The following TTBK1 variants were observed in gnomAD, a reference collection of about 807,000 sequenced individuals.
TTBK1 encodes the protein tau-tubulin kinase 1.
A neutral mutation model predicts 108.5 loss-of-function variants in TTBK1; 34 were observed. That is an observed-to-expected ratio of 0.31 (90% confidence interval 0.24 to 0.42). The LOEUF (loss-of-function observed/expected upper bound fraction) is 0.42. Among genes scored for constraint, TTBK1 ranks in the 10% least tolerant of loss-of-function variants. The pLI is 1.00. For synonymous variants in TTBK1, 809 were observed against 795.1 expected (o/e 1.02, Z -0.29); for missense variants, 1,539 against 1,826.0 (o/e 0.84, Z 2.86).
At chr6:43,245,009 A>C (rs1777050094) in intron 1 of TTBK1, among the ~76,000 whole-genome samples, 1 of 152,190 alleles carries the variant, frequency 6.6e-6, no homozygotes, top group Non-Finnish European at 1.5e-5. Flanking sequence ...AGCTCAGCTT[A>C]GTCACTTGAA....
At chr6:43,278,144 A>G (rs1415254177) in intron 13 of TTBK1, among the ~76,000 whole-genome samples, 1 of 152,068 alleles carries the variant, frequency 6.6e-6, no homozygotes, top group Non-Finnish European at 1.5e-5. Context: ...GGCTATGTGG[A>G]GCCCCGTCTC....
In TTBK1 at chr6:43,257,786, C is replaced by T. The variant is rs779733650; in HGVS notation, c.862-26C>T. On this transcript the variant is annotated intron_variant, in intron 9 of 14. Coordinates refer to ENST00000259750, the MANE Select transcript of TTBK1 (RefSeq NM_032538.3). The surrounding 1 kb of genome is among the most constrained non-coding windows in gnomAD (Gnocchi z 4.5). Reference sequence around the variant, plus strand: ...GCTAGCCCCCGGATCACCTCTCTGTCCTCCCATCACCCTCACCCCCTGCAG... The same window carrying T: ...GCTAGCCCCCGGATCACCTCTCTGTTCTCCCATCACCCTCACCCCCTGCAG... 1.1e-5 allele frequency: 17 copies of T among 1,602,306 alleles called. No homozygotes were observed. The highest frequency in any genetic ancestry group is 1.5e-5 in the Non-Finnish European group (17 of 1,171,992).
rs576706305 is a variant in TTBK1, at chr6:43,269,160, G to C, written c.1986+5810G>C. ...CGATCCCAACACCTCCCTGTGATGG[G>C]GCGGGGGTGCCAAGGCGGAGGGTGT... is the stretch of plus-strand genomic sequence containing the variant. On this transcript the variant is annotated intron_variant, in intron 13 of 14. Transcript: ENST00000259750. The surrounding 1 kb of genome is among the most constrained non-coding windows in gnomAD (Gnocchi z 4.8). 1.3e-5 allele frequency among the ~76,000 whole-genome samples: 2 copies of C among 152,356 alleles called. No individual in the cohort carries two copies. Among genetic ancestry groups the C allele is most frequent in the East Asian group, 3.9e-4 (2 of 5,186 alleles).
intron 2 of TTBK1, 63 bp from the exon 3 acceptor site, chr6:43,252,676 C>A: frequency 6.4e-7 from 1 of 1,574,608 alleles, no homozygotes; most frequent in South Asian, 1.1e-5. Flanking sequence ...AACCAAGCAG[C>A]AGGTGGGATG....
At position 43,285,347 on chromosome 6, in the gene TTBK1, G is replaced by A; in HGVS notation, c.3937G>A (p.Gly1313Ser). 7.8e-7 allele frequency: 1 copy of A among 1,284,184 alleles called. No individual in the cohort carries two copies. The highest frequency in any genetic ancestry group is 9.8e-7 in the Non-Finnish European group (1 of 1,020,444). 79.5% of individuals were successfully genotyped at this position (1,284,184 alleles called of 1,614,324 possible). ...QRATTKGRAG[G>S]AEGRAGAR ...CGCAACAACCAAAGGCCGGGCAGGA[G>A]GCGCGGAGGGCCGGGCTGGGGCCAG... The change falls in exon 15 of 15, where the codon GGC becomes AGC. Residue 1313 changes from glycine to serine, a missense_variant. This residue lies in a region of TTBK1 where 1,055 missense variants were observed against 1,086.5 expected (regional missense o/e 0.97). Coordinates refer to ENST00000259750, the MANE Select transcript of TTBK1 (RefSeq NM_032538.3). This position sits in a 1 kb window ranked among gnomAD's most constrained non-coding sequence, Gnocchi z 4.7.
rs1777473554 is a variant in TTBK1 at position 43,259,471 on chromosome 6, A to G, written c.1249-60A>G. The G allele has an allele frequency of 2.0e-6, 3 of 1,493,882 alleles. No homozygotes were observed. The South Asian group carries it at 4.1e-5, about 21-fold the overall frequency. The allele number at this position is 1,493,882 out of a possible 1,614,324, so 92.5% of individuals were successfully genotyped here. A position where few individuals can be genotyped will look rare whatever the true frequency, so the allele number is the denominator to read the frequency against. ...ATCCTCTGTCTCCTTCACCCTGAGG[A>G]GACCATCCGCCCACAGCCGCCTCAT... On this transcript the variant is annotated intron_variant, in intron 11 of 14. Transcript: ENST00000259750. The surrounding 1 kb of genome is among the most constrained non-coding windows in gnomAD (Gnocchi z 6.7).
At chr6:43,255,508 G>A (rs1178850868) in intron 7 of TTBK1, 44 bp from the exon 8 acceptor site, 2 of 1,531,298 alleles carry the variant, frequency 1.3e-6, no homozygotes, top group Non-Finnish European at 1.8e-6. Context: ...CATTCCCAGG[G>A]AAGGACCTGA....
At chr6:43,244,292 C>T (rs1200808665) in intron 1 of TTBK1, among the ~76,000 whole-genome samples, 1 of 152,084 alleles carries the variant, frequency 6.6e-6, no homozygotes, top group Non-Finnish European at 1.5e-5. Context: ...CCTCTCCTTA[C>T]CTGGGCTCCC....
Position 43,269,571 on chromosome 6 carries a change from T to G in TTBK1, c.1986+6221T>G. 6.9e-7 allele frequency: 1 copy of G among 1,458,274 alleles called. No homozygotes were observed. The highest frequency in any genetic ancestry group is 2.6e-5 in the East Asian group (1 of 38,482). The allele number at this position is 1,458,274 out of a possible 1,614,324, so 90.3% of individuals were successfully genotyped here. Reference sequence around the variant, plus strand: ...CGCCGCAGGGGCTGTGAGCGGTGGGTGGCCCCGGAGACGGAGCTGTCGAGT... The same window carrying G: ...CGCCGCAGGGGCTGTGAGCGGTGGGGGGCCCCGGAGACGGAGCTGTCGAGT... On this transcript the variant is annotated intron_variant, in intron 13 of 14. Coordinates refer to ENST00000259750, the MANE Select transcript of TTBK1 (RefSeq NM_032538.3). This position sits in a 1 kb window ranked among gnomAD's most constrained non-coding sequence, Gnocchi z 4.8.
intron 1 of TTBK1, among the ~76,000 whole-genome samples, chr6:43,246,305 G>C (rs1777084249): frequency 6.6e-6 from 1 of 152,214 alleles, no homozygotes; most frequent in Non-Finnish European, 1.5e-5. Context: ...TGCCCCCTTG[G>C]TCAGCAAGTC....
At position 43,283,133 on chromosome 6, in the gene TTBK1, A is replaced by G; in HGVS notation, c.2393A>G (p.Asp798Gly). The change falls in exon 14 of 15, where the codon GAC becomes GGC. Residue 798 changes from aspartate to glycine, a missense_variant. Coordinates refer to ENST00000259750, the MANE Select transcript of TTBK1 (RefSeq NM_032538.3). The surrounding 1 kb of genome is among the most constrained non-coding windows in gnomAD (Gnocchi z 8.1). ...AGTGAGGGGAGTGAGAGGAGCACTG[A>G]CCGGAGCCAGGAGGGTGCCCCGTCC... ...SSSEGSERST[D>G]RSQEGAPSTL... 1 of 1,572,764 alleles carries G rather than the reference A, an allele frequency of 6.4e-7. No homozygotes were observed. The highest frequency in any genetic ancestry group is 8.6e-7 in the Non-Finnish European group (1 of 1,159,934).
intron 1 of TTBK1, among the ~76,000 whole-genome samples, chr6:43,244,012 C>T (rs1188643615): frequency 6.6e-6 from 1 of 152,110 alleles, no homozygotes; most frequent in Non-Finnish European, 1.5e-5. Context: ...CCTGACGAAT[C>T]ATTCGGCTGT....
Position 43,285,640 on chromosome 6 carries a change from C to G in TTBK1, c.*264C>G, listed in dbSNP as rs1327392398. On this transcript the variant is annotated 3_prime_UTR_variant, in exon 15 of 15. Transcript: ENST00000259750. This position sits in a 1 kb window ranked among gnomAD's most constrained non-coding sequence, Gnocchi z 4.7. ...CTGTGTCCTCTCATCCTCCCGCCGC[C>G]CGTCAGGCCGGCCAGCCTCACATCA... 6.4e-6 allele frequency: 2 copies of G among 310,294 alleles called. No homozygotes were observed. The highest frequency in any genetic ancestry group is 1.2e-5 in the Non-Finnish European group (2 of 173,444). The allele number at this position is 310,294 out of a possible 1,614,324, so 19.2% of individuals were successfully genotyped here.
chr6:43,285,084 C>G lies in TTBK1; in HGVS notation c.3674C>G (p.Ala1225Gly). ...GLGPGRAQAG[A>G]RPPAPRSPRL... ...GGCCCAGGGCGAGCCCAAGCCGGAGCCAGGCCCCCAGCGCCGCGCAGCCCG... is the reference window on the plus strand; with the variant it reads ...GGCCCAGGGCGAGCCCAAGCCGGAGGCAGGCCCCCAGCGCCGCGCAGCCCG... Residue 1225 changes from alanine to glycine, a missense_variant, in exon 15 of 15, where the codon GCC becomes GGC. By Grantham distance (60) the Ala-to-Gly change is moderately conservative. Coordinates refer to ENST00000259750, the MANE Select transcript of TTBK1 (RefSeq NM_032538.3). This position sits in a 1 kb window ranked among gnomAD's most constrained non-coding sequence, Gnocchi z 4.7. 1 of 1,488,300 alleles carries G rather than the reference C, an allele frequency of 6.7e-7. No homozygotes were observed. Among genetic ancestry groups the G allele is most frequent in the Non-Finnish European group, 8.9e-7 (1 of 1,127,288 alleles). The allele number at this position is 1,488,300 out of a possible 1,614,324, so 92.2% of individuals were successfully genotyped here.
chr6:43,244,398 T>C (rs1427376368), intron 1 of TTBK1, among the ~76,000 whole-genome samples: 1 of 152,180 alleles, frequency 6.6e-6, no homozygotes, highest in African/African-American at 2.4e-5. Context: ...CACGTACCCC[T>C]GTGTACCATC....
Position 43,282,088 on chromosome 6 carries a change from G to A in TTBK1, c.1987-639G>A, listed in dbSNP as rs549134778. 6.6e-6 allele frequency among the ~76,000 whole-genome samples: 1 copy of A among 152,366 alleles called. No individual in the cohort carries two copies. Among genetic ancestry groups the A allele is most frequent in the African/African-American group, 2.4e-5 (1 of 41,580 alleles). On this transcript the variant is annotated intron_variant, in intron 13 of 14. Coordinates refer to ENST00000259750, the MANE Select transcript of TTBK1 (RefSeq NM_032538.3). The surrounding 1 kb of genome is among the most constrained non-coding windows in gnomAD (Gnocchi z 5.4). Reference sequence around the variant, plus strand: ...AAATTCCTGGCTGAGAGGATGGATTGGAGGTCGAGGGGCCCAGCCTGCACT... The same window carrying A: ...AAATTCCTGGCTGAGAGGATGGATTAGAGGTCGAGGGGCCCAGCCTGCACT...
chr6:43,256,293 G>C (rs1777379183), intron 9 of TTBK1, among the ~76,000 whole-genome samples: 1 of 152,006 alleles, frequency 6.6e-6, no homozygotes, highest in Non-Finnish European at 1.5e-5. Flanking sequence ...GTGCCACCAT[G>C]CCCGGCTAAT....
rs146524046 is a variant in TTBK1, at chr6:43,264,098, T to A, written c.1986+748T>A. ...GAGAATTCAGATTTAAATACAATGATCTGACCAGTGCGGTGGCTCAGGCCT... is the reference window on the plus strand; with the variant it reads ...GAGAATTCAGATTTAAATACAATGAACTGACCAGTGCGGTGGCTCAGGCCT... On this transcript the variant is annotated intron_variant, in intron 13 of 14. Transcript: ENST00000259750. Among the ~76,000 whole-genome samples the A allele has an allele frequency of 2.0e-4, 30 of 152,266 alleles. 3 individuals are homozygous for A. In the East Asian group the frequency reaches 5.6e-3, roughly 28 times the overall value.
In TTBK1 at chr6:43,253,492, G is replaced by A. The variant is rs1161444684; in HGVS notation, c.331-76G>A. The A allele has an allele frequency of 2.7e-5, 43 of 1,588,088 alleles. No individual in the cohort carries two copies. The highest frequency in any genetic ancestry group is 3.7e-5 in the Non-Finnish European group (43 of 1,166,526). ...GGGCACAACCCTTTGGGGTGAGGCT[G>A]GGAAGAGTATCACAATGATGGTGTC... On this transcript the variant is annotated intron_variant, in intron 4 of 14. Coordinates refer to ENST00000259750, the MANE Select transcript of TTBK1 (RefSeq NM_032538.3). The surrounding 1 kb of genome is among the most constrained non-coding windows in gnomAD (Gnocchi z 5.8).
Sources: gnomAD v4.1 joint callset for allele counts (sites outside exome capture counted in the v4.1 genomes callset) on GRCh38, gnomAD v4.1.1 for gene constraint, gnomAD v4.1.1 regional missense constraint, Gnocchi (gnomAD v3.1) non-coding constraint, MANE v1.5 for transcripts, NCBI Gene and HGNC (gene_info 2026-07-23, HGNC 2026-07-21) for gene names.